The following NPC1L1 variants were observed in gnomAD, a reference collection of about 807,000 sequenced individuals.
The protein encoded by NPC1L1 is NPC1-like intracellular cholesterol transporter 1.
In NPC1L1, 98 loss-of-function variants were observed where a neutral mutation model predicts 117.0. The ratio of observed to expected loss-of-function variants is 0.84; its 90% confidence interval spans 0.71 to 0.99. The LOEUF (loss-of-function observed/expected upper bound fraction) is 0.99. Among genes scored for constraint, NPC1L1 ranks in the 50% least tolerant of loss-of-function variants. The pLI, the probability that NPC1L1 is intolerant of heterozygous loss-of-function variation, is 0.00. For synonymous variants in NPC1L1, 729 were observed against 727.6 expected, an observed-to-expected ratio of 1.00 and a Z score of -0.03; for missense variants, 1,540 against 1,710.0, an observed-to-expected ratio of 0.90 and a Z score of 1.75.
At chr7:44,540,801 A>G (rs1802078176) in intron 1 of NPC1L1, among the ~76,000 whole-genome samples, 1 of 151,862 alleles carries the variant, frequency 6.6e-6, no homozygotes, top group South Asian at 2.1e-4. Flanking sequence ...GTAAGCGAGG[A>G]ACTTAAGAGG....
chr7:44,532,212 G>A lies in NPC1L1; in HGVS notation c.2415C>T (p.Ser805=). ...TGACACAGCAGCAGACGTCCAACCGGGAGGCCTGGAGTGGGAGGCACCCCC... is the reference window on the plus strand; with the variant it reads ...TGACACAGCAGCAGACGTCCAACCGAGAGGCCTGGAGTGGGAGGCACCCCC... The part of the protein sequence containing the change: ...LSLDSKRQEA[S]RLDVCCCVKP... Residue 805 remains serine (S), a synonymous_variant, in exon 9 of 19, where the codon TCC becomes TCT. Transcript: ENST00000381160. 6.2e-7 allele frequency: 1 copy of A among 1,613,584 alleles called. No homozygotes were observed. Among genetic ancestry groups the A allele is most frequent in the Non-Finnish European group, 8.5e-7 (1 of 1,179,942 alleles).
chr7:44,518,991 T>TTC (rs1236651300), intron 14 of NPC1L1, among the ~76,000 whole-genome samples: 1 of 151,798 alleles, frequency 6.6e-6, no homozygotes, highest in Non-Finnish European at 1.5e-5. Context: ...TTCTTTCTCT[T>TTC]TCTCTCTCTT....
At position 44,538,796 on chromosome 7, in the gene NPC1L1, T is replaced by C; in HGVS notation, c.1580+21A>G. On this transcript the variant is annotated intron_variant, in intron 2 of 18. Coordinates refer to ENST00000381160, the MANE Select transcript of NPC1L1 (RefSeq NM_001101648.2). This position sits in a 1 kb window ranked among gnomAD's most constrained non-coding sequence, Gnocchi z 5.9. The stretch of plus-strand genomic sequence containing the variant: ...CCCCAGCCCCAGCCCACTCCTCGCT[T>C]GGGCCCCACCATGGACTCACTTGGC... The C allele has an allele frequency of 6.2e-7, 1 of 1,613,350 alleles. No individual in the cohort carries two copies. The highest frequency in any genetic ancestry group is 1.7e-5 in the Admixed American group (1 of 60,024).
chr7:44,534,632 G>A lies in NPC1L1; in HGVS notation c.1984-3C>T, dbSNP rs1195887482. 6.2e-7 allele frequency: 1 copy of A among 1,613,820 alleles called. No homozygotes were observed. Among genetic ancestry groups the A allele is most frequent in the Admixed American group, 1.7e-5 (1 of 60,014 alleles). The stretch of plus-strand genomic sequence containing the variant: ...CCCAGCGTGGCCTTGGAGTCCACCT[G>A]CAATGCAAACAGGCTCAGCCCCCTA... On this transcript the variant is annotated splice_region_variant and splice_polypyrimidine_tract_variant and intron_variant, in intron 5 of 18. Coordinates refer to ENST00000381160, the MANE Select transcript of NPC1L1 (RefSeq NM_001101648.2). The surrounding 1 kb of genome is among the most constrained non-coding windows in gnomAD (Gnocchi z 5.2).
chr7:44,538,645 G>A lies in NPC1L1; in HGVS notation c.1580+172C>T, dbSNP rs1418598548. ...AGGAACTCTGACCAAAGGAAATGGCGGCCGGACGAGGGGCAGAGATAATCA... is the reference window on the plus strand; with the variant it reads ...AGGAACTCTGACCAAAGGAAATGGCAGCCGGACGAGGGGCAGAGATAATCA... On this transcript the variant is annotated intron_variant, in intron 2 of 18. Transcript: ENST00000381160. The surrounding 1 kb of genome is among the most constrained non-coding windows in gnomAD (Gnocchi z 5.9). 2.6e-5 allele frequency among the ~76,000 whole-genome samples: 4 copies of A among 152,186 alleles called. No individual in the cohort carries two copies. The highest frequency in any genetic ancestry group is 5.9e-5 in the Non-Finnish European group (4 of 68,040).
At chr7:44,523,462 C>CAGCTATAGCTTT (rs562326113) in intron 10 of NPC1L1, among the ~76,000 whole-genome samples, 1 of 152,156 alleles carries the variant, frequency 6.6e-6, no homozygotes, top group Non-Finnish European at 1.5e-5. Context: ...AGCTTTAGTA[C>CAGCTATAGCTTT]AGTAGCAGCT....
intron 10 of NPC1L1, among the ~76,000 whole-genome samples, chr7:44,529,478 A>C (rs217409): frequency 0.021 from 3,248 of 151,472 alleles, 113 homozygotes; most frequent in African/African-American, 0.074. Context: ...TCCCAGGTTC[A>C]AGTGATTCTC....
rs541301476 is a variant in NPC1L1, at chr7:44,536,752, A to G, written c.1681+90T>C. The G allele has an allele frequency of 8.3e-7, 1 of 1,204,680 alleles. No homozygotes were observed. The highest frequency in any genetic ancestry group is 1.2e-5 in the South Asian group (1 of 80,202). The allele number at this position is 1,204,680 out of a possible 1,614,324, so 74.6% of individuals were successfully genotyped here. A position where few individuals can be genotyped will look rare whatever the true frequency, so the allele number is the denominator to read the frequency against. The stretch of plus-strand genomic sequence containing the variant: ...GCCAGGCTACCCCCAGGCCGCGAGA[A>G]TCCCCAGCACCACTCCCACCCTCCC... On this transcript the variant is annotated intron_variant, in intron 3 of 18. Transcript: ENST00000381160. This position sits in a 1 kb window ranked among gnomAD's most constrained non-coding sequence, Gnocchi z 4.7.
chr7:44,529,989 G>A (rs911348755), intron 10 of NPC1L1, among the ~76,000 whole-genome samples: 27 of 150,746 alleles, frequency 1.8e-4, no homozygotes, highest in African/African-American at 6.6e-4. Flanking sequence ...AGCCGAGTCT[G>A]CACCATTGCA....
Position 44,513,131 on chromosome 7 carries a change from T to C in NPC1L1, c.*316A>G. On this transcript the variant is annotated 3_prime_UTR_variant, in exon 19 of 19. Transcript: ENST00000381160. ...GGGAAAAGTTGGATGAGAAGTGGGC[T>C]CCTAGGAAAGTGAGTGAGTGTGGGA... The C allele has an allele frequency of 2.4e-6, 1 of 425,140 alleles. No individual in the cohort carries two copies. Among genetic ancestry groups the C allele is most frequent in the Admixed American group, 3.5e-5 (1 of 28,530 alleles). The allele number at this position is 425,140 out of a possible 1,614,324, so 26.3% of individuals were successfully genotyped here.
chr7:44,540,631 C>T (rs1180556560), intron 1 of NPC1L1, among the ~76,000 whole-genome samples: 1 of 152,050 alleles, frequency 6.6e-6, no homozygotes, highest in African/African-American at 2.4e-5. Flanking sequence ...AGGTCCCGGG[C>T]TCTGCCCACG....
Position 44,539,911 on chromosome 7 carries a change from A to G in NPC1L1, c.486T>C (p.His162=), listed in dbSNP as rs776590871. ...AGTCATAGCTCTGCTCGGCAAAGCTATGCTGGTAGAAGGCCTCATAGGCCA... is the reference window on the plus strand; with the variant it reads ...AGTCATAGCTCTGCTCGGCAAAGCTGTGCTGGTAGAAGGCCTCATAGGCCA... The part of the protein sequence containing the change: ...AVVAYEAFYQ[H]SFAEQSYDSC... The change falls in exon 2 of 19, where the codon CAT becomes CAC. Residue 162 remains histidine (H), a synonymous_variant. Coordinates refer to ENST00000381160, the MANE Select transcript of NPC1L1 (RefSeq NM_001101648.2). The surrounding 1 kb of genome is among the most constrained non-coding windows in gnomAD (Gnocchi z 4.4). 5.6e-6 allele frequency: 9 copies of G among 1,614,096 alleles called. No homozygotes were observed. Among genetic ancestry groups the G allele is most frequent in the African/African-American group, 2.7e-5 (2 of 74,946 alleles).
At chr7:44,532,324 T>G in intron 8 of NPC1L1, 107 bp from the exon 9 acceptor site, 1 of 1,335,266 alleles carries the variant, frequency 7.5e-7, no homozygotes, top group Non-Finnish European at 1.1e-6. Flanking sequence ...CCCGTGCCAG[T>G]GCCCTCATGG....
rs1721678607 is a variant in NPC1L1, at chr7:44,534,203, T to A, written c.2166+244A>T. On this transcript the variant is annotated intron_variant, in intron 6 of 18. Transcript: ENST00000381160. The surrounding 1 kb of genome is among the most constrained non-coding windows in gnomAD (Gnocchi z 5.2). ...AGGAGGAGGCTGTAATGTACTAACA[T>A]GGAGAGGTTTTACTAGACATTGCAA... 1.3e-5 allele frequency among the ~76,000 whole-genome samples: 2 copies of A among 152,160 alleles called. No homozygotes were observed. Among genetic ancestry groups the A allele is most frequent in the Admixed American group, 1.3e-4 (2 of 15,280 alleles).
intron 10 of NPC1L1, among the ~76,000 whole-genome samples, chr7:44,524,674 G>A (rs1483627674): frequency 3.3e-5 from 5 of 151,884 alleles, no homozygotes; most frequent in Admixed American, 6.6e-5. Flanking sequence ...ACCCCAGGAG[G>A]CAGAGGTTGC....
chr7:44,523,838 G>A (rs1022987642), intron 10 of NPC1L1, among the ~76,000 whole-genome samples: 4 of 152,176 alleles, frequency 2.6e-5, no homozygotes, highest in Non-Finnish European at 4.4e-5. Context: ...CTGCACTTCA[G>A]CCTCAGCAAG....
At chr7:44,520,728 G>C (rs369147539) in intron 14 of NPC1L1, 37 bp downstream of exon 14, 2 of 1,599,642 alleles carry the variant, frequency 1.3e-6, no homozygotes, top group Non-Finnish European at 1.7e-6. Context: ...CAGAGCAACC[G>C]ATTTATGTCC....
At position 44,535,953 on chromosome 7, in the gene NPC1L1, C is replaced by T. The variant is rs1350372646; in HGVS notation, c.1870G>A (p.Glu624Lys). The change falls in exon 5 of 19, where the codon GAG becomes AAG. Residue 624 changes from glutamate (E) to lysine (K), a missense_variant. Coordinates refer to ENST00000381160, the MANE Select transcript of NPC1L1 (RefSeq NM_001101648.2). ...TCTTCAGCTGTGGTGCGATTGATCTCGTCTTCCAGAGAGCGCTGTGGACAC... is the reference window on the plus strand; with the variant it reads ...TCTTCAGCTGTGGTGCGATTGATCTTGTCTTCCAGAGAGCGCTGTGGACAC... ...TFMAERSLEDEINRTTAEDLP... is the reference protein window; with the variant it reads ...TFMAERSLEDKINRTTAEDLP... The T allele has an allele frequency of 3.7e-6, 6 of 1,613,120 alleles. No individual in the cohort carries two copies. The highest frequency in any genetic ancestry group is 2.2e-5 in the East Asian group (1 of 44,908).
chr7:44,516,646 G>A (rs755295855), intron 16 of NPC1L1, 57 bp downstream of exon 16: 96 of 1,354,092 alleles, frequency 7.1e-5, no homozygotes, highest in Non-Finnish European at 8.8e-5. Flanking sequence ...ATTCTATGAG[G>A]CTGGATCCCC....
Sources: allele counts gnomAD v4.1 joint callset (sites outside exome capture counted in the v4.1 genomes callset), GRCh38; gene constraint gnomAD v4.1.1; non-coding constraint Gnocchi (gnomAD v3.1); transcripts MANE v1.5; gene names NCBI Gene and HGNC (gene_info 2026-07-23, HGNC 2026-07-21).